The following SUFU variants were observed in gnomAD, a reference collection of about 807,000 sequenced individuals.
SUFU encodes SUFU negative regulator of hedgehog signaling.
In SUFU, 7 loss-of-function variants were observed where a neutral mutation model predicts 58.9. The ratio of observed to expected loss-of-function variants is 0.12; its 90% CI spans 0.07 to 0.22. SUFU has a LOEUF of 0.22. Among genes scored for constraint, SUFU ranks in the 10% least tolerant of loss-of-function variants. SUFU has a pLI of 1.00. For missense variants in SUFU, 451 were observed against 641.3 expected, an observed-to-expected ratio of 0.70 and a Z score of 3.20; for synonymous variants, 232 against 254.8, an observed-to-expected ratio of 0.91 and a Z score of 0.85.
At chr10:102,568,913 T>C (rs1564685567) in intron 3 of SUFU, among the ~76,000 whole-genome samples, 1 of 7,556 alleles carries the variant, frequency 1.3e-4, no homozygotes, top group Non-Finnish European at 2.6e-4. Context: ...TATATATATA[T>C]ATATATACAC....
upstream of SUFU, among the ~76,000 whole-genome samples, chr10:102,503,366 C>T (rs1187602393): frequency 3.3e-5 from 5 of 152,130 alleles, no homozygotes; most frequent in Admixed American, 3.3e-4. Context: ...TATAGGTAAT[C>T]TTTTGGTCAT....
intron 3 of SUFU, among the ~76,000 whole-genome samples, chr10:102,576,436 T>A (rs1159057961): frequency 6.6e-6 from 1 of 152,182 alleles, no homozygotes; most frequent in African/African-American, 2.4e-5. Context: ...TTTTTTACTG[T>A]TGTCTGTGAT....
At chr10:102,599,403 C>T in intron 7 of SUFU, 30 bp from the exon 8 acceptor site, 1 of 1,566,378 alleles carries the variant, frequency 6.4e-7, no homozygotes, top group Non-Finnish European at 8.8e-7. Context: ...GCCCACTGGG[C>T]CACTGGGCAA....
chr10:102,595,012 G>A (rs560409191), intron 6 of SUFU, among the ~76,000 whole-genome samples: 9 of 152,272 alleles, frequency 5.9e-5, no homozygotes, highest in South Asian at 2.1e-4. Context: ...GAGCTAGTGC[G>A]CCTGGCCCAT....
chr10:102,580,447 T>C (rs1055363447), intron 3 of SUFU, among the ~76,000 whole-genome samples: 1 of 152,138 alleles, frequency 6.6e-6, no homozygotes, highest in Non-Finnish European at 1.5e-5. Flanking sequence ...TAGTTCTTAG[T>C]GTGGGTCTTG....
rs1168519573 is a variant in SUFU, at chr10:102,632,620, C to A, written c.*2465C>A. On this transcript the variant is annotated 3_prime_UTR_variant, in exon 12 of 12. Transcript: ENST00000369902. ...TGGCACAGGATGCTTGGTGAATGTACCCTTTCTTTCCCTCCCTGCAGCTCT... is the reference window on the plus strand; with the variant it reads ...TGGCACAGGATGCTTGGTGAATGTAACCTTTCTTTCCCTCCCTGCAGCTCT... 8.6e-6 allele frequency: 2 copies of A among 233,156 alleles called. No homozygotes were observed. The highest frequency in any genetic ancestry group is 5.6e-5 in the Admixed American group (1 of 17,776). The allele number at this position is 233,156 out of a possible 1,614,324, so 14.4% of individuals were successfully genotyped here.
Position 102,617,721 on chromosome 10 carries a change from A to G in SUFU, c.1296+293A>G, listed in dbSNP as rs532901180. 16 of 596,510 alleles carry G rather than the reference A, an allele frequency of 2.7e-5. No individual in the cohort carries two copies. The African/African-American group carries it at 2.8e-4, about 10-fold the overall frequency. The allele number at this position is 596,510 out of a possible 1,614,324, so 37.0% of individuals were successfully genotyped here. ...GGTTCCCCGTGGAAATCCAGGTTGG[A>G]GGGATATAAGACTTTCTGCACCTTG... On this transcript the variant is annotated intron_variant, in intron 10 of 11. Coordinates refer to ENST00000369902, the MANE Select transcript of SUFU (RefSeq NM_016169.4). The surrounding 1 kb of genome is among the most constrained non-coding windows in gnomAD (Gnocchi z 4.4).
chr10:102,576,961 T>A (rs948213435), intron 3 of SUFU, among the ~76,000 whole-genome samples: 1 of 152,146 alleles, frequency 6.6e-6, no homozygotes, highest in African/African-American at 2.4e-5. Context: ...CCTTCCTGCC[T>A]CAGCTGTGGG....
At chr10:102,511,567 T>C (rs1452033337) in intron 2 of SUFU, among the ~76,000 whole-genome samples, 1 of 152,224 alleles carries the variant, frequency 6.6e-6, no homozygotes, top group Admixed American at 6.5e-5. Flanking sequence ...TTAAATGCTT[T>C]ACAATCTTAT....
intron 2 of SUFU, among the ~76,000 whole-genome samples, chr10:102,541,574 T>G (rs1270881456): frequency 2.0e-5 from 3 of 151,840 alleles, no homozygotes; most frequent in South Asian, 2.1e-4. Flanking sequence ...AATTTTTGTA[T>G]TTTTAGTAGA....
chr10:102,570,351 C>T (rs1274835312), intron 3 of SUFU, among the ~76,000 whole-genome samples: 1 of 152,070 alleles, frequency 6.6e-6, no homozygotes, highest in African/African-American at 2.4e-5. Context: ...AAGCAATTCT[C>T]TTGCCTCAGC....
intron 3 of SUFU, among the ~76,000 whole-genome samples, chr10:102,567,111 A>G (rs1470446337): frequency 2.4e-5 from 3 of 122,986 alleles, no homozygotes; most frequent in Non-Finnish European, 4.8e-5. Context: ...TCCCGGGTTC[A>G]TGCCATTCTC....
intron 3 of SUFU, among the ~76,000 whole-genome samples, chr10:102,568,743 G>A (rs920658705): frequency 3.3e-5 from 5 of 150,464 alleles, no homozygotes; most frequent in Non-Finnish European, 7.4e-5. Context: ...GTGAGGTGGC[G>A]GGCGCCTGTA....
chr10:102,629,110 C>T lies in SUFU; in HGVS notation c.1366-956C>T, dbSNP rs2063814564. On this transcript the variant is annotated intron_variant, in intron 11 of 11. Coordinates refer to ENST00000369902, the MANE Select transcript of SUFU (RefSeq NM_016169.4). The surrounding 1 kb of genome is among the most constrained non-coding windows in gnomAD (Gnocchi z 4.7). ...AGCAAAAGTTGCAGTGAGCCGAGAT[C>T]GCGCCATTGCACTCCAGCCTGGGCA... 6.6e-6 allele frequency among the ~76,000 whole-genome samples: 1 copy of T among 152,126 alleles called. No individual in the cohort carries two copies. Among genetic ancestry groups the T allele is most frequent in the Non-Finnish European group, 1.5e-5 (1 of 68,030 alleles).
At chr10:102,552,289 G>A (rs1192717567) in intron 3 of SUFU, among the ~76,000 whole-genome samples, 2 of 152,032 alleles carry the variant, frequency 1.3e-5, no homozygotes, top group Non-Finnish European at 2.9e-5. Context: ...TTAAAGATTA[G>A]CCAGGTGTGG....
intron 8 of SUFU, among the ~76,000 whole-genome samples, chr10:102,610,562 C>A (rs765407856): frequency 6.6e-6 from 1 of 151,932 alleles, no homozygotes; most frequent in Non-Finnish European, 1.5e-5. Context: ...AGGGCCGTGG[C>A]GATGGGAAGG....
At chr10:102,555,070 C>A (rs1370598492) in intron 3 of SUFU, among the ~76,000 whole-genome samples, 2 of 152,000 alleles carry the variant, frequency 1.3e-5, no homozygotes, top group Admixed American at 6.6e-5. Context: ...AGATCAAGAC[C>A]ATCCTGGCTA....
At chr10:102,568,962 A>ATCTC (rs1554849321) in intron 3 of SUFU, among the ~76,000 whole-genome samples, 2 of 80,922 alleles carry the variant, frequency 2.5e-5, no homozygotes, top group Admixed American at 1.4e-4. Flanking sequence ...ATATATATAT[A>ATCTC]TCTATAGCAG....
intron 3 of SUFU, chr10:102,572,690 C>T (rs2063174801): frequency 1.6e-6 from 1 of 645,152 alleles, no homozygotes; most frequent in Non-Finnish European, 2.9e-6. Flanking sequence ...CCATGCCCAG[C>T]CTTTTTTTTG....
Sources: gnomAD v4.1 joint callset for allele counts (sites outside exome capture counted in the v4.1 genomes callset) on GRCh38, gnomAD v4.1.1 for gene constraint, Gnocchi (gnomAD v3.1) non-coding constraint, MANE v1.5 for transcripts, NCBI Gene and HGNC (gene_info 2026-07-23, HGNC 2026-07-21) for gene names.